CPNE8: variants seen among roughly 807,000 people sequenced by gnomAD.
The protein encoded by CPNE8 is copine-8.
CPNE8 carries 45 observed loss-of-function variants against 81.5 expected under a neutral mutation model. That is an observed-to-expected ratio of 0.55 (90% CI 0.44 to 0.71). CPNE8 has a LOEUF of 0.71. Among genes scored for constraint, CPNE8 ranks in the 30% least tolerant of loss-of-function variants. The pLI, the probability that CPNE8 is intolerant of heterozygous loss-of-function variation, is 0.00. For missense variants in CPNE8, 594 were observed against 672.1 expected (o/e 0.88, Z 1.28); for synonymous variants, 252 against 226.3 (o/e 1.11, Z -1.02).
chr12:38,875,503 T>A (rs2137111175), intron 1 of CPNE8, among the ~76,000 whole-genome samples: 1 of 152,252 alleles, frequency 6.6e-6, no homozygotes, highest in African/African-American at 2.4e-5. Context: ...ATAATAAAAA[T>A]CTCGTGTTCA....
rs150202840 is a variant in CPNE8, at chr12:38,703,336, C to A, written c.915-415G>T. On this transcript the variant is annotated intron_variant, in intron 13 of 19. Coordinates refer to ENST00000331366, the MANE Select transcript of CPNE8 (RefSeq NM_153634.3). The stretch of plus-strand genomic sequence containing the variant: ...CTTTAAAGTGTTGCATTGCTAAAAT[C>A]ATCTCTAATAATGTCATTCCTTAAA... 8.5e-5 allele frequency among the ~76,000 whole-genome samples: 13 copies of A among 152,192 alleles called. 1 individual carries two copies. The East Asian group carries it at 2.5e-3, about 29-fold the overall frequency.
intron 1 of CPNE8, among the ~76,000 whole-genome samples, chr12:38,890,690 G>A (rs905913476): frequency 1.3e-5 from 2 of 152,000 alleles, no homozygotes; most frequent in South Asian, 2.1e-4. Context: ...AAACCATCAC[G>A]TGCTGCTGCA....
intron 10 of CPNE8, among the ~76,000 whole-genome samples, chr12:38,740,916 G>C (rs1463349405): frequency 6.6e-6 from 1 of 152,170 alleles, no homozygotes; most frequent in Non-Finnish European, 1.5e-5. Context: ...AAATGAGTTA[G>C]GGAGGATTTC....
At chr12:38,896,898 A>G (rs929602862) in intron 1 of CPNE8, among the ~76,000 whole-genome samples, 1 of 152,150 alleles carries the variant, frequency 6.6e-6, no homozygotes, top group Non-Finnish European at 1.5e-5. Context: ...TGTGCCACAC[A>G]GTAAAATGCT....
At position 38,818,819 on chromosome 12, in the gene CPNE8, G is replaced by A. The variant is rs979417090; in HGVS notation, c.407+10560C>T. 3.3e-5 allele frequency among the ~76,000 whole-genome samples: 5 copies of A among 152,104 alleles called. No individual in the cohort carries two copies. The East Asian group carries it at 9.6e-4, about 29-fold the overall frequency. On this transcript the variant is annotated intron_variant, in intron 6 of 19. Transcript: ENST00000331366. Reference sequence around the variant, plus strand: ...GTTGTTTCCTGACTTTTTAATGATTGCCATTCTAACTGGCATGAGATGGTA... The same window carrying A: ...GTTGTTTCCTGACTTTTTAATGATTACCATTCTAACTGGCATGAGATGGTA...
intron 3 of CPNE8, among the ~76,000 whole-genome samples, chr12:38,858,460 A>G (rs919291519): frequency 6.6e-6 from 1 of 152,276 alleles, no homozygotes; most frequent in African/African-American, 2.4e-5. Flanking sequence ...GTGCCAAAGT[A>G]GCAGCTCAAA....
chr12:38,665,810 T>A (rs1939047232), intron 19 of CPNE8, among the ~76,000 whole-genome samples: 1 of 152,188 alleles, frequency 6.6e-6, no homozygotes, highest in Non-Finnish European at 1.5e-5. Context: ...GCTTTATTTG[T>A]GATTAAGTCT....
intron 3 of CPNE8, among the ~76,000 whole-genome samples, chr12:38,863,869 G>A (rs1296437393): frequency 6.6e-6 from 1 of 151,936 alleles, no homozygotes; most frequent in East Asian, 1.9e-4. Context: ...GGCTAACACG[G>A]TGAAACCCCG....
chr12:38,769,803 T>C (rs956419608), intron 7 of CPNE8, among the ~76,000 whole-genome samples: 4 of 152,174 alleles, frequency 2.6e-5, no homozygotes, highest in African/African-American at 9.7e-5. Context: ...GTAAATGTAA[T>C]ACTAAATTTA....
chr12:38,763,131 A>T (rs906746635), intron 8 of CPNE8, among the ~76,000 whole-genome samples: 39 of 152,230 alleles, frequency 2.6e-4, no homozygotes, highest in African/African-American at 8.7e-4. Flanking sequence ...TGCTGGGATT[A>T]CAGGCGTGAG....
rs1469232362 is a variant in CPNE8 at position 38,723,842 on chromosome 12, G to GA, written c.853-10dup. 7 of 1,517,412 alleles carry GA rather than the reference G, an allele frequency of 4.6e-6. No homozygotes were observed. In the African/African-American group the frequency reaches 9.7e-5, roughly 21 times the overall value. 94.0% of individuals were successfully genotyped at this position (1,517,412 alleles called of 1,614,324 possible). On this transcript the variant is annotated splice_polypyrimidine_tract_variant and intron_variant, in intron 12 of 19. Coordinates refer to ENST00000331366, the MANE Select transcript of CPNE8 (RefSeq NM_153634.3). ...AAAGAGAGTAAAGTTACCTGAAAAAGAAAAAGACAGAATTACCTTCTAGTT... is the reference window on the plus strand; with the variant it reads ...AAAGAGAGTAAAGTTACCTGAAAAAGAAAAAAGACAGAATTACCTTCTAGTT...
chr12:38,658,157 G>C (rs901445436), intron 19 of CPNE8, among the ~76,000 whole-genome samples: 1 of 152,018 alleles, frequency 6.6e-6, no homozygotes, highest in Admixed American at 6.6e-5. Context: ...CTTGAAAAAA[G>C]GTTAGACGAA....
chr12:38,891,133 G>A (rs1944309169), intron 1 of CPNE8, among the ~76,000 whole-genome samples: 1 of 151,738 alleles, frequency 6.6e-6, no homozygotes, highest in South Asian at 2.1e-4. Context: ...GTTTTACCCT[G>A]TTGTCCAGGC....
At chr12:38,891,573 T>C (rs1445369558) in intron 1 of CPNE8, among the ~76,000 whole-genome samples, 1 of 151,678 alleles carries the variant, frequency 6.6e-6, no homozygotes, top group Non-Finnish European at 1.5e-5. Flanking sequence ...TCAGCCTCCC[T>C]AGTAGCTGGT....
intron 11 of CPNE8, chr12:38,726,581 G>A (rs1940703614): frequency 6.6e-6 from 1 of 152,150 alleles, no homozygotes; most frequent in Non-Finnish European, 1.5e-5. Flanking sequence ...CAGATAATTT[G>A]AGGAACAAGC....
intron 11 of CPNE8, chr12:38,726,549 T>C (rs1315985185): frequency 6.6e-6 from 1 of 152,204 alleles, no homozygotes; most frequent in African/African-American, 2.4e-5. Context: ...ATCTTGAGAT[T>C]TGAAGAATTC....
chr12:38,663,158 C>T (rs759610330), intron 19 of CPNE8, among the ~76,000 whole-genome samples: 5 of 151,948 alleles, frequency 3.3e-5, no homozygotes, highest in Non-Finnish European at 7.4e-5. Context: ...AAGCTAAAAT[C>T]TTCTCAACAG....
chr12:38,830,684 TA>T (rs1943271511), intron 5 of CPNE8, among the ~76,000 whole-genome samples: 1 of 152,196 alleles, frequency 6.6e-6, no homozygotes, highest in South Asian at 2.1e-4. Context: ...TTCAGTATAC[TA>T]AATAAACAAA....
intron 15 of CPNE8, among the ~76,000 whole-genome samples, chr12:38,689,789 C>A (rs935922298): frequency 6.6e-6 from 1 of 152,216 alleles, no homozygotes; most frequent in Non-Finnish European, 1.5e-5. Context: ...CCACTGGCCA[C>A]AAGCTCATTA....
Sources: allele counts gnomAD v4.1 joint callset (sites outside exome capture counted in the v4.1 genomes callset), GRCh38; gene constraint gnomAD v4.1.1; transcripts MANE v1.5; gene names NCBI Gene and HGNC (gene_info 2026-07-23, HGNC 2026-07-21).